CTTN: variants seen among roughly 807,000 people sequenced by gnomAD.
CTTN encodes the protein cortactin, also known as src substrate cortactin.
In CTTN, 28 loss-of-function variants were observed where a neutral mutation model predicts 84.0. The observed-to-expected ratio is 0.33, with a 90% CI of 0.25 to 0.46. The LOEUF (loss-of-function observed/expected upper bound fraction) is 0.46. CTTN is among the 20% of genes least tolerant of loss of function. The pLI, the probability that CTTN is intolerant of heterozygous loss-of-function variation, is 1.00. For missense variants in CTTN, 641 were observed against 723.8 expected (o/e 0.89, Z 1.31); for synonymous variants, 301 against 288.8 (o/e 1.04, Z -0.43).
intron 4 of CTTN, among the ~76,000 whole-genome samples, chr11:70,408,745 T>TCAG (rs988581903): frequency 6.6e-6 from 1 of 152,118 alleles, no homozygotes; most frequent in Admixed American, 6.5e-5. Context: ...TCTGGCTTGC[T>TCAG]CAGCACACTC....
At chr11:70,429,023 G>T in intron 13 of CTTN, 28 bp from the exon 14 acceptor site, 1 of 1,613,308 alleles carries the variant, frequency 6.2e-7, no homozygotes, top group African/African-American at 1.3e-5. Context: ...TGTGCTCAAG[G>T]CACACGTCCT....
chr11:70,433,330 A>C (rs1178356859), intron 16 of CTTN, 52 bp downstream of exon 16: 3 of 1,522,774 alleles, frequency 2.0e-6, no homozygotes, highest in Non-Finnish European at 2.6e-6. Flanking sequence ...AGCTCCCGGG[A>C]CATCCTGCTC....
intron 7 of CTTN, 148 bp from the exon 8 acceptor site, chr11:70,416,865 G>C: frequency 3.0e-6 from 2 of 661,194 alleles, no homozygotes; most frequent in Non-Finnish European, 5.6e-6. Context: ...CACCTGTATG[G>C]AGCAGTGGGT....
At chr11:70,433,987 C>G (rs1591453927) in intron 17 of CTTN, among the ~76,000 whole-genome samples, 2 of 152,308 alleles carry the variant, frequency 1.3e-5, no homozygotes, top group South Asian at 2.1e-4. Flanking sequence ...GCTGCCACCC[C>G]CAAAGACTCC....
chr11:70,405,494 G>A (rs1223174944), intron 2 of CTTN, 133 bp downstream of exon 2: 1 of 152,178 alleles, frequency 6.6e-6, no homozygotes, highest in Non-Finnish European at 1.5e-5. Flanking sequence ...ATTCTGGAAG[G>A]AAATTTCATT....
At chr11:70,432,160 C>A (rs2058360240) in intron 15 of CTTN, among the ~76,000 whole-genome samples, 1 of 152,092 alleles carries the variant, frequency 6.6e-6, no homozygotes, top group Admixed American at 6.5e-5. Context: ...CTGCCTGCTG[C>A]CTTTACCCTG....
chr11:70,418,556 C>A (rs1010363246), intron 8 of CTTN, among the ~76,000 whole-genome samples: 14 of 152,232 alleles, frequency 9.2e-5, no homozygotes, highest in African/African-American at 3.4e-4. Flanking sequence ...CAGTGACATG[C>A]TAAATGGCTT....
chr11:70,404,482 CT>C (rs1357049908), intron 1 of CTTN, among the ~76,000 whole-genome samples: 1 of 152,160 alleles, frequency 6.6e-6, no homozygotes, highest in Non-Finnish European at 1.5e-5. Flanking sequence ...AGCTGCCAGT[CT>C]CATGTCTTGA....
At chr11:70,404,870 C>T (rs546257895) in intron 1 of CTTN, among the ~76,000 whole-genome samples, 15 of 152,224 alleles carry the variant, frequency 9.9e-5, no homozygotes, top group African/African-American at 1.4e-4. Context: ...GGCGTGGTGG[C>T]GCCTGCCTGT....
chr11:70,425,689 A>G (rs780594845), intron 13 of CTTN, among the ~76,000 whole-genome samples: 6 of 152,224 alleles, frequency 3.9e-5, no homozygotes, highest in Non-Finnish European at 5.9e-5. Flanking sequence ...GGGCCTCCAC[A>G]CTGCCAGTGA....
At chr11:70,420,645 G>T in intron 10 of CTTN, 135 bp downstream of exon 10, 1 of 697,120 alleles carries the variant, frequency 1.4e-6, no homozygotes, top group Non-Finnish European at 2.6e-6. Flanking sequence ...GTTGTCCTGT[G>T]TGCCCCCCCA....
chr11:70,407,313 G>A lies in CTTN; in HGVS notation c.16G>A (p.Ala6Thr), dbSNP rs1246769127. The stretch of plus-strand genomic sequence containing the variant: ...GCTCTTTCAGATGTGGAAAGCTTCA[G>A]CAGGCCACGCTGTGTCCATCGCCCA... MWKAS[A>T]GHAVSIAQDD... is the part of the protein sequence containing the mutation. Residue 6 changes from alanine to threonine, a missense_variant, in exon 3 of 18, where the codon GCA becomes ACA. Ala to Thr is a moderately conservative substitution (Grantham distance 58). Around this residue, in one of 3 missense-constraint regions of CTTN, gnomAD observed 284 missense variants for 348.4 expected, o/e 0.82. Coordinates refer to ENST00000301843, the MANE Select transcript of CTTN (RefSeq NM_005231.4). 5 of 1,551,740 alleles carry A rather than the reference G, an allele frequency of 3.2e-6. No individual in the cohort carries two copies. Among genetic ancestry groups the A allele is most frequent in the Admixed American group, 2.0e-5 (1 of 51,088 alleles).
chr11:70,399,962 T>C (rs900029347), intron 1 of CTTN, among the ~76,000 whole-genome samples: 1 of 152,148 alleles, frequency 6.6e-6, no homozygotes, highest in African/African-American at 2.4e-5. Flanking sequence ...TCCATTCACG[T>C]GTTTGACCGT....
chr11:70,420,293 G>A, intron 9 of CTTN, 107 bp from the exon 10 acceptor site: 1 of 761,374 alleles, frequency 1.3e-6, no homozygotes, highest in Non-Finnish European at 2.4e-6. Flanking sequence ...GAAGGGAAGA[G>A]TAGATTGAGT....
rs773148664 is a variant in CTTN, at chr11:70,425,343, C to T, written c.969C>T (p.Thr323=). The change falls in exon 13 of 18, where the codon ACC becomes ACT. Residue 323 remains threonine, a synonymous_variant. Transcript: ENST00000301843. ...QKDRMDKNAS[T]FEDVTQVSSA... ...TCCTGTCTCTGCAGAATGCGTCAAC[C>T]TTTGAGGATGTCACCCAGGTGTCCT... 3 of 1,612,348 alleles carry T rather than the reference C, an allele frequency of 1.9e-6. No homozygotes were observed. The highest frequency in any genetic ancestry group is 2.2e-5 in the South Asian group (2 of 90,474).
chr11:70,417,961 C>G (rs766551378), intron 8 of CTTN, among the ~76,000 whole-genome samples: 1 of 152,196 alleles, frequency 6.6e-6, no homozygotes, highest in Non-Finnish European at 1.5e-5. Context: ...GTTCTTCCTT[C>G]CCCACTGCAT....
chr11:70,435,452 C>CT lies in CTTN; in HGVS notation c.*291dup, dbSNP rs2058406948. Reference sequence around the variant, plus strand: ...TTTTTTTTCTTTTTTGCCAAATTGACTGTCACGCGGCAGCTTCAGGGAGCT... The same window carrying CT: ...TTTTTTTTCTTTTTTGCCAAATTGACTTGTCACGCGGCAGCTTCAGGGAGCT... On this transcript the variant is annotated 3_prime_UTR_variant, in exon 18 of 18. Coordinates refer to ENST00000301843, the MANE Select transcript of CTTN (RefSeq NM_005231.4). The CT allele has an allele frequency of 2.0e-6, 3 of 1,513,522 alleles. No homozygotes were observed. In the African/African-American group the frequency reaches 4.2e-5, roughly 21 times the overall value. The allele number at this position is 1,513,522 out of a possible 1,614,324, so 93.8% of individuals were successfully genotyped here. A position where few individuals can be genotyped will look rare whatever the true frequency, so the allele number is the denominator to read the frequency against.
intron 6 of CTTN, 66 bp downstream of exon 6, chr11:70,414,718 C>T (rs1046020517): frequency 5.0e-5 from 58 of 1,171,490 alleles, no homozygotes; most frequent in Non-Finnish European, 6.9e-5. Context: ...TAGATCTGAG[C>T]CCTGTTGGGC....
At chr11:70,418,657 C>T (rs917175577) in intron 8 of CTTN, among the ~76,000 whole-genome samples, 1 of 152,314 alleles carries the variant, frequency 6.6e-6, no homozygotes, top group Non-Finnish European at 1.5e-5. Context: ...GAAGAGTGGC[C>T]TTTGAAAGCC....
Sources: gnomAD v4.1 joint callset for allele counts (sites outside exome capture counted in the v4.1 genomes callset) on GRCh38, gnomAD v4.1.1 for gene constraint, gnomAD v4.1.1 regional missense constraint, MANE v1.5 for transcripts, NCBI Gene and HGNC (gene_info 2026-07-23, HGNC 2026-07-21) for gene names.